PSMB2: variants seen among roughly 807,000 people sequenced by gnomAD.
The protein encoded by PSMB2 is proteasome subunit beta type-2.
In PSMB2, 13 loss-of-function variants were observed where a neutral mutation model predicts 25.7. The ratio of observed to expected loss-of-function variants is 0.51; its 90% confidence interval spans 0.33 to 0.80. The LOEUF is 0.80. Among genes scored for constraint, PSMB2 ranks in the 30% least tolerant of loss-of-function variants. PSMB2 has a pLI of 0.02. For synonymous variants in PSMB2, 87 were observed against 96.2 expected (o/e 0.90, Z 0.56); for missense variants, 202 against 259.0 (o/e 0.78, Z 1.51).
intron 2 of PSMB2, among the ~76,000 whole-genome samples, chr1:35,632,044 G>T (rs1442628577): frequency 1.3e-5 from 2 of 151,956 alleles, no homozygotes; most frequent in Non-Finnish European, 1.5e-5. Context: ...GGAACAAAAA[G>T]GATATTGGGA....
chr1:35,600,013 C>G lies in PSMB2; in HGVS notation c.*3254G>C. 1.8e-6 allele frequency: 1 copy of G among 565,570 alleles called. No individual in the cohort carries two copies. Among genetic ancestry groups the G allele is most frequent in the Non-Finnish European group, 2.2e-6 (1 of 446,734 alleles). 35.0% of individuals were successfully genotyped at this position (565,570 alleles called of 1,614,324 possible). On this transcript the variant is annotated 3_prime_UTR_variant, in exon 6 of 6. Transcript: ENST00000373237. ...TAGCTGGGTGCAGTGGTGCACCCCT[C>G]TAGTCCCAGCTAGTTGGGAGGCTGG...
chr1:35,608,364 CAAA>C (rs112782164), intron 4 of PSMB2, among the ~76,000 whole-genome samples: 1 of 119,994 alleles, frequency 8.3e-6, no homozygotes, highest in Middle Eastern at 4.5e-3. Flanking sequence ...GACTCTGCCT[CAAA>C]AAAAAAAAAA....
intron 3 of PSMB2, among the ~76,000 whole-genome samples, chr1:35,609,728 G>A (rs908497177): frequency 1.3e-5 from 2 of 152,190 alleles, no homozygotes; most frequent in Admixed American, 6.5e-5. Flanking sequence ...TAGCAAAACA[G>A]AGTGACTATA....
In PSMB2 at chr1:35,628,593, A is replaced by ATT. The variant is rs1448605768; in HGVS notation, c.285+2680_285+2681insAA. Among the ~76,000 whole-genome samples, 231 of 27,222 alleles carry ATT rather than the reference A, an allele frequency of 8.5e-3. 2 individuals are homozygous for ATT. Among genetic ancestry groups the ATT allele is most frequent in the Middle Eastern group, 0.036 (1 of 28 alleles). 17.9% of individuals were successfully genotyped at this position (27,222 alleles called of 152,430 possible). The stretch of plus-strand genomic sequence containing the variant: ...TTTCTTGGAAGAAAAAAAAAAAAAA[A>ATT]AAAATATATATATATATATATATAT... On this transcript the variant is annotated intron_variant, in intron 3 of 5. Transcript: ENST00000373237.
intron 5 of PSMB2, 106 bp downstream of exon 5, chr1:35,605,127 T>C: frequency 8.9e-7 from 1 of 1,124,462 alleles, no homozygotes; most frequent in Non-Finnish European, 1.3e-6. Context: ...TGGGTATGTA[T>C]TACACCTTCT....
Position 35,628,632 on chromosome 1 carries a change from T to TA in PSMB2, c.285+2641_285+2642insT, listed in dbSNP as rs1491503087. ...ATATATATATATATATATATATATA[T>TA]TTTTTTTTTTTTTTTTAAAGAAAAG... On this transcript the variant is annotated intron_variant, in intron 3 of 5. Coordinates refer to ENST00000373237, the MANE Select transcript of PSMB2 (RefSeq NM_002794.5). 2.8e-3 allele frequency among the ~76,000 whole-genome samples: 98 copies of TA among 35,428 alleles called. 3 individuals are homozygous for TA. The highest frequency in any genetic ancestry group is 8.4e-3 in the African/African-American group (84 of 9,946). The allele number at this position is 35,428 out of a possible 152,430, so 23.2% of individuals were successfully genotyped here.
intron 1 of PSMB2, among the ~76,000 whole-genome samples, chr1:35,639,328 A>G (rs2148580259): frequency 6.6e-6 from 1 of 152,352 alleles, no homozygotes; most frequent in African/African-American, 2.4e-5. Context: ...GTTTTATACC[A>G]GAAAAGACTA....
intron 3 of PSMB2, among the ~76,000 whole-genome samples, chr1:35,615,107 C>A (rs1650455617): frequency 6.6e-6 from 1 of 152,156 alleles, no homozygotes; most frequent in Admixed American, 6.5e-5. Flanking sequence ...CTACCACCAC[C>A]ACTTTTAGGA....
At chr1:35,632,722 C>T (rs1165140299) in intron 2 of PSMB2, among the ~76,000 whole-genome samples, 1 of 151,862 alleles carries the variant, frequency 6.6e-6, no homozygotes, top group Non-Finnish European at 1.5e-5. Flanking sequence ...GATGAAACCC[C>T]GTCTCTACTA....
intron 2 of PSMB2, among the ~76,000 whole-genome samples, chr1:35,635,273 A>T (rs200569673): frequency 0.018 from 2,455 of 136,946 alleles, 79 homozygotes; most frequent in African/African-American, 0.066. Flanking sequence ...AAAAAAAAAA[A>T]TTTTTTTTTT....
At chr1:35,636,542 C>A in intron 1 of PSMB2, 110 bp from the exon 2 acceptor site, 1 of 1,226,904 alleles carries the variant, frequency 8.2e-7, no homozygotes, top group South Asian at 1.8e-5. Context: ...CTTCCATATA[C>A]ATGGATTCTG....
At chr1:35,618,943 A>G (rs919950907) in intron 3 of PSMB2, among the ~76,000 whole-genome samples, 1 of 152,212 alleles carries the variant, frequency 6.6e-6, no homozygotes, top group African/African-American at 2.4e-5. Context: ...AAATTCTCAT[A>G]CTATACTGGG....
rs1173701731 is a variant in PSMB2, at chr1:35,601,796, G to C, written c.*1471C>G. 1 of 985,294 alleles carries C rather than the reference G, an allele frequency of 1.0e-6. No individual in the cohort carries two copies. The highest frequency in any genetic ancestry group is 6.1e-5 in the Admixed American group (1 of 16,268). 61.0% of individuals were successfully genotyped at this position (985,294 alleles called of 1,614,324 possible). A position where few individuals can be genotyped will look rare whatever the true frequency, so the allele number is the denominator to read the frequency against. ...GCATCAGTAGCAACTGGAAATGTGA[G>C]ATGAACATTCTGAAACACACATCTG... On this transcript the variant is annotated 3_prime_UTR_variant, in exon 6 of 6. Transcript: ENST00000373237.
At chr1:35,623,672 T>C (rs1405096142) in intron 3 of PSMB2, among the ~76,000 whole-genome samples, 1 of 152,168 alleles carries the variant, frequency 6.6e-6, no homozygotes, top group Non-Finnish European at 1.5e-5. Flanking sequence ...GCAGGTGAGC[T>C]GAAGGCAAGC....
chr1:35,633,225 A>G (rs1314620478), intron 2 of PSMB2, among the ~76,000 whole-genome samples: 1 of 151,872 alleles, frequency 6.6e-6, no homozygotes, highest in Non-Finnish European at 1.5e-5. Flanking sequence ...TGACTCAAAA[A>G]AGAAAAAAAA....
chr1:35,602,973 G>T lies in PSMB2; in HGVS notation c.*294C>A. Reference sequence around the variant, plus strand: ...AATATATGAAAGAGCTAGTTGGAAAGGAAGCCAAGCATGGAGTAGAACGTG... The same window carrying T: ...AATATATGAAAGAGCTAGTTGGAAATGAAGCCAAGCATGGAGTAGAACGTG... On this transcript the variant is annotated 3_prime_UTR_variant, in exon 6 of 6. Coordinates refer to ENST00000373237, the MANE Select transcript of PSMB2 (RefSeq NM_002794.5). 9.2e-7 allele frequency: 1 copy of T among 1,082,508 alleles called. No homozygotes were observed. Among genetic ancestry groups the T allele is most frequent in the Non-Finnish European group, 1.1e-6 (1 of 890,996 alleles). 67.1% of individuals were successfully genotyped at this position (1,082,508 alleles called of 1,614,324 possible). A position where few individuals can be genotyped will look rare whatever the true frequency, so the allele number is the denominator to read the frequency against.
At chr1:35,628,555 T>A (rs1190816409) in intron 3 of PSMB2, among the ~76,000 whole-genome samples, 2 of 113,692 alleles carry the variant, frequency 1.8e-5, no homozygotes, top group Non-Finnish European at 3.4e-5. Context: ...AAAGACCACT[T>A]GGTGACAATG....
intron 3 of PSMB2, among the ~76,000 whole-genome samples, chr1:35,615,695 T>C (rs1191195438): frequency 6.6e-6 from 1 of 152,076 alleles, no homozygotes; most frequent in African/African-American, 2.4e-5. Context: ...AAGAGAGGAA[T>C]TGACAGTCTT....
intron 3 of PSMB2, among the ~76,000 whole-genome samples, chr1:35,612,040 C>T (rs757543424): frequency 3.9e-5 from 6 of 152,136 alleles, no homozygotes; most frequent in Non-Finnish European, 8.8e-5. Flanking sequence ...TTCCTAACAT[C>T]GCCTGGAGAT....
Sources: gnomAD v4.1 joint callset for allele counts (sites outside exome capture counted in the v4.1 genomes callset) on GRCh38, gnomAD v4.1.1 for gene constraint, MANE v1.5 for transcripts, NCBI Gene and HGNC (gene_info 2026-07-23, HGNC 2026-07-21) for gene names.